LAMA2: variants seen among roughly 807,000 people sequenced by gnomAD.
LAMA2 encodes laminin subunit alpha 2, also known as laminin subunit alpha-2.
In LAMA2, 269 loss-of-function variants were observed where a neutral mutation model predicts 364.8. The observed-to-expected ratio is 0.74, with a 90% confidence interval of 0.67 to 0.82. The LOEUF (loss-of-function observed/expected upper bound fraction) is 0.82, where lower values mean the gene tolerates loss of function less well. Ranked by LOEUF, LAMA2 falls within the 40% of genes least tolerant of loss-of-function variation. LAMA2 has a pLI of 0.00. For missense variants in LAMA2, 3,807 were observed against 3,873.2 expected (o/e 0.98, Z 0.45); for synonymous variants, 1,379 against 1,370.6 (o/e 1.01, Z -0.14).
intron 1 of LAMA2, among the ~76,000 whole-genome samples, chr6:128,952,206 A>G (rs1050651721): frequency 1.3e-5 from 2 of 152,244 alleles, no homozygotes; most frequent in South Asian, 4.1e-4. Flanking sequence ...AAATTCAAAC[A>G]TATTTTTCTG....
intron 4 of LAMA2, among the ~76,000 whole-genome samples, chr6:129,118,700 TA>T (rs2114914469): frequency 6.6e-6 from 1 of 152,346 alleles, no homozygotes; most frequent in South Asian, 2.1e-4. Flanking sequence ...ACAACTTTAA[TA>T]GACTGGAACA....
chr6:129,004,667 T>C (rs1353788833), intron 1 of LAMA2, among the ~76,000 whole-genome samples: 2 of 152,178 alleles, frequency 1.3e-5, no homozygotes, highest in Non-Finnish European at 2.9e-5. Flanking sequence ...ACTTTGACTT[T>C]AGTTTGCAAA....
chr6:129,104,022 CT>C (rs1213972486), intron 4 of LAMA2, among the ~76,000 whole-genome samples: 1 of 151,734 alleles, frequency 6.6e-6, no homozygotes, highest in East Asian at 1.9e-4. Context: ...TCCTTCCTTC[CT>C]TTTTTTTCTT....
intron 22 of LAMA2, among the ~76,000 whole-genome samples, chr6:129,304,460 T>G (rs1481404914): frequency 1.3e-5 from 2 of 152,184 alleles, no homozygotes; most frequent in African/African-American, 4.8e-5. Context: ...AGACGGGGTT[T>G]CACCGCGTTA....
At chr6:129,358,824 G>A (rs933456781) in intron 32 of LAMA2, among the ~76,000 whole-genome samples, 2 of 151,926 alleles carry the variant, frequency 1.3e-5, no homozygotes, top group African/African-American at 4.8e-5. Flanking sequence ...CAACGCATCA[G>A]TTTCTGATGA....
At chr6:129,291,436 G>A (rs1789694407) in intron 19 of LAMA2, among the ~76,000 whole-genome samples, 178 bp from the exon 20 acceptor site, 1 of 152,228 alleles carries the variant, frequency 6.6e-6, no homozygotes, top group Non-Finnish European at 1.5e-5. Context: ...CCTACAGCTT[G>A]TAGAGTTGTT....
chr6:129,155,759 C>G (rs1468147453), intron 8 of LAMA2, among the ~76,000 whole-genome samples: 1 of 152,062 alleles, frequency 6.6e-6, no homozygotes, highest in Non-Finnish European at 1.5e-5. Flanking sequence ...TAATACCATA[C>G]TATCTTCATT....
intron 55 of LAMA2, among the ~76,000 whole-genome samples, chr6:129,481,891 T>G (rs1427924005): frequency 6.6e-6 from 1 of 152,114 alleles, no homozygotes; most frequent in African/African-American, 2.4e-5. Flanking sequence ...GCCTGACTCA[T>G]CCCATCCTCT....
At chr6:129,099,620 A>G (rs1404120186) in intron 4 of LAMA2, among the ~76,000 whole-genome samples, 1 of 152,138 alleles carries the variant, frequency 6.6e-6, no homozygotes, top group Non-Finnish European at 1.5e-5. Flanking sequence ...GAAAACCCAT[A>G]TTCACATTCT....
intron 61 of LAMA2, 83 bp downstream of exon 61, chr6:129,505,438 G>T: frequency 8.8e-7 from 1 of 1,138,836 alleles, no homozygotes; most frequent in Non-Finnish European, 1.3e-6. Context: ...GGTCACATGG[G>T]CCCATGAAAA....
At chr6:129,438,956 T>C (rs1397313669) in intron 42 of LAMA2, among the ~76,000 whole-genome samples, 194 bp downstream of exon 42, 2 of 152,036 alleles carry the variant, frequency 1.3e-5, no homozygotes, top group Non-Finnish European at 2.9e-5. Flanking sequence ...ATTTTTTATC[T>C]TTTATTGCCT....
Position 129,124,153 on chromosome 6 carries a change from A to G in LAMA2, c.640-19748A>G, listed in dbSNP as rs568501157. On this transcript the variant is annotated intron_variant, in intron 4 of 64. Transcript: ENST00000421865. ...CTTGTGGTGTTTTCTTGAAATAATA[A>G]TCGTATCTTGGTTAATAGTTGAGAT... 5.4e-4 allele frequency among the ~76,000 whole-genome samples: 83 copies of G among 152,300 alleles called. 1 individual carries two copies. Among genetic ancestry groups the G allele is most frequent in the African/African-American group, 1.6e-3 (67 of 41,554 alleles).
chr6:129,492,164 C>G, intron 57 of LAMA2, 87 bp downstream of exon 57: 1 of 1,411,666 alleles, frequency 7.1e-7, no homozygotes, highest in Non-Finnish European at 1.0e-6. Context: ...TTGTCTACAG[C>G]TATGCAGGGG....
chr6:129,109,973 A>C (rs554213683), intron 4 of LAMA2, among the ~76,000 whole-genome samples: 1 of 152,140 alleles, frequency 6.6e-6, no homozygotes, highest in East Asian at 1.9e-4. Flanking sequence ...TTGATCCAAA[A>C]AAACTTCAGA....
At chr6:129,269,627 C>A (rs1787781466) in intron 16 of LAMA2, among the ~76,000 whole-genome samples, 1 of 151,860 alleles carries the variant, frequency 6.6e-6, no homozygotes, top group Non-Finnish European at 1.5e-5. Flanking sequence ...TTTTTTAAAA[C>A]CCTTAAGTAT....
intron 9 of LAMA2, among the ~76,000 whole-genome samples, chr6:129,175,572 G>T (rs763737928): frequency 6.6e-6 from 1 of 152,152 alleles, no homozygotes; most frequent in African/African-American, 2.4e-5. Flanking sequence ...AAAACAGTCT[G>T]TAAAAATTAA....
At chr6:128,908,031 T>G (rs1214197572) in intron 1 of LAMA2, among the ~76,000 whole-genome samples, 3 of 151,820 alleles carry the variant, frequency 2.0e-5, no homozygotes, top group Non-Finnish European at 2.9e-5. Flanking sequence ...GCTGGATTTG[T>G]TTTGCCAGTA....
At chr6:129,008,223 CTG>C (rs1481889139) in intron 1 of LAMA2, among the ~76,000 whole-genome samples, 2 of 152,046 alleles carry the variant, frequency 1.3e-5, no homozygotes, top group Non-Finnish European at 2.9e-5. Flanking sequence ...TGCAGAAACT[CTG>C]TGTGCATTTA....
At chr6:129,118,409 G>A (rs1470479975) in intron 4 of LAMA2, among the ~76,000 whole-genome samples, 2 of 152,106 alleles carry the variant, frequency 1.3e-5, no homozygotes, top group Non-Finnish European at 2.9e-5. Flanking sequence ...GTTGGTTTAC[G>A]ATTCCTTCTT....
Sources: gnomAD v4.1 joint callset for allele counts (sites outside exome capture counted in the v4.1 genomes callset) on GRCh38, gnomAD v4.1.1 for gene constraint, MANE v1.5 for transcripts, NCBI Gene and HGNC (gene_info 2026-07-23, HGNC 2026-07-21) for gene names.